FOXN3: variants seen among roughly 807,000 people sequenced by gnomAD.
FOXN3 encodes the protein forkhead box N3, also known as forkhead box protein N3.
In FOXN3, 7 loss-of-function variants were observed where a neutral mutation model predicts 38.4. The observed-to-expected ratio is 0.18, with a 90% confidence interval of 0.10 to 0.34. The LOEUF (loss-of-function observed/expected upper bound fraction) is 0.34, where lower values mean the gene tolerates loss of function less well. Ranked by LOEUF, FOXN3 falls within the 10% of genes least tolerant of loss-of-function variation. FOXN3 has a pLI of 1.00. For synonymous variants in FOXN3, 230 were observed against 242.2 expected (o/e 0.95, Z 0.47); for missense variants, 456 against 613.4 (o/e 0.74, Z 2.71).
intron 2 of FOXN3, chr14:89,355,017 A>C (rs902106168): frequency 6.6e-6 from 1 of 151,884 alleles, no homozygotes; most frequent in Non-Finnish European, 1.5e-5. Context: ...CCCCCAGAAA[A>C]AAAACTGAGA....
At chr14:89,308,178 T>A (rs1325782352) in intron 3 of FOXN3, among the ~76,000 whole-genome samples, 1 of 152,186 alleles carries the variant, frequency 6.6e-6, no homozygotes, top group Non-Finnish European at 1.5e-5. Context: ...GGCACGAGAA[T>A]CATTTGAACC....
chr14:89,373,084 C>G (rs943243938), intron 2 of FOXN3, among the ~76,000 whole-genome samples: 5 of 151,982 alleles, frequency 3.3e-5, no homozygotes, highest in African/African-American at 1.2e-4. Flanking sequence ...GATGATCACT[C>G]AAGCCCAAGA....
At chr14:89,307,131 AGT>A (rs896357583) in intron 3 of FOXN3, among the ~76,000 whole-genome samples, 10 of 152,300 alleles carry the variant, frequency 6.6e-5, no homozygotes, top group Non-Finnish European at 1.3e-4. Flanking sequence ...GGTTGCTCTG[AGT>A]GTGTGTGTTA....
intron 3 of FOXN3, among the ~76,000 whole-genome samples, chr14:89,304,602 T>C (rs970061117): frequency 2.0e-5 from 3 of 152,312 alleles, no homozygotes; most frequent in South Asian, 2.1e-4. Flanking sequence ...ATTCATTTGA[T>C]ACCTTATGTT....
chr14:89,334,313 T>C (rs1001466102), intron 3 of FOXN3, among the ~76,000 whole-genome samples: 1 of 151,106 alleles, frequency 6.6e-6, no homozygotes, highest in African/African-American at 2.4e-5. Flanking sequence ...CTTGCAGTTA[T>C]AAAATGAGTA....
intron 1 of FOXN3, among the ~76,000 whole-genome samples, chr14:89,483,235 C>T (rs1171186059): frequency 6.6e-6 from 1 of 152,064 alleles, no homozygotes; most frequent in Non-Finnish European, 1.5e-5. Flanking sequence ...GGTGTACATT[C>T]TCAACTCTCC....
intron 1 of FOXN3, among the ~76,000 whole-genome samples, chr14:89,521,325 G>A (rs562343543): frequency 2.6e-5 from 4 of 151,008 alleles, no homozygotes; most frequent in African/African-American, 9.8e-5. Flanking sequence ...ACAAAAGAGA[G>A]AGAGAGAATG....
chr14:89,441,673 C>T (rs1892386362), intron 1 of FOXN3, among the ~76,000 whole-genome samples: 1 of 152,122 alleles, frequency 6.6e-6, no homozygotes, highest in African/African-American at 2.4e-5. Flanking sequence ...AAGAAAGAGA[C>T]AGAAAGAGCT....
chr14:89,616,505 T>C lies in FOXN3; in HGVS notation c.-15+2523A>G, dbSNP rs558654510. On this transcript the variant is annotated intron_variant, in intron 1 of 6. Coordinates refer to the FOXN3 transcript ENST00000345097. ...CAAAGTACCAGGCAATCTTCATCCC[T>C]CCCTTTCACTCCCCAACCCCACCCC... 3.3e-5 allele frequency among the ~76,000 whole-genome samples: 5 copies of C among 151,346 alleles called. No homozygotes were observed. In the East Asian group the frequency reaches 9.8e-4, roughly 30 times the overall value.
At chr14:89,336,261 C>T (rs145856911) in intron 3 of FOXN3, among the ~76,000 whole-genome samples, 1,004 of 27,202 alleles carry the variant, frequency 0.037, 14 homozygotes, top group African/African-American at 0.083. Flanking sequence ...CATCCATCCA[C>T]ACAGAATCCT....
rs140313718 is a variant in FOXN3, at chr14:89,289,315, T to A, written c.681-8301A>T. Among the ~76,000 whole-genome samples the A allele has an allele frequency of 1.2e-4, 18 of 152,306 alleles. No homozygotes were observed. The East Asian group carries it at 3.5e-3, about 29-fold the overall frequency. On this transcript the variant is annotated intron_variant, in intron 3 of 5. Coordinates refer to ENST00000557258, the MANE Select transcript of FOXN3 (RefSeq NM_005197.4). Reference sequence around the variant, plus strand: ...TAGGAGAAGTAATACATCCATGGCTTTTCTCATGTTCATTTTTGCGACTGG... The same window carrying A: ...TAGGAGAAGTAATACATCCATGGCTATTCTCATGTTCATTTTTGCGACTGG...
chr14:89,421,047 G>A (rs559796977), upstream of FOXN3, among the ~76,000 whole-genome samples: 1 of 151,300 alleles, frequency 6.6e-6, no homozygotes, highest in Non-Finnish European at 1.5e-5. Context: ...AAAAATTGGG[G>A]AAAAAAGGCT....
chr14:89,599,432 C>T lies in FOXN3; in HGVS notation c.-15+19596G>A, dbSNP rs1428677232. On this transcript the variant is annotated intron_variant, in intron 1 of 6. Transcript: ENST00000345097. ...TCCATTTGGTCTTATTTACAATTTT[C>T]AGTTCTCTGGCAGAGTTTTCAATCT... 2.0e-5 allele frequency among the ~76,000 whole-genome samples: 3 copies of T among 152,156 alleles called. No homozygotes were observed. The East Asian group carries it at 5.8e-4, about 29-fold the overall frequency.
At chr14:89,307,359 T>C (rs1292958266) in intron 3 of FOXN3, among the ~76,000 whole-genome samples, 1 of 152,070 alleles carries the variant, frequency 6.6e-6, no homozygotes, top group East Asian at 1.9e-4. Context: ...AGACTGTCTA[T>C]GTAAATCTAC....
intron 1 of FOXN3, among the ~76,000 whole-genome samples, chr14:89,520,620 C>T (rs879431936): frequency 1.1e-4 from 16 of 152,194 alleles, no homozygotes; most frequent in Non-Finnish European, 2.1e-4. Flanking sequence ...ACCTGCTGCT[C>T]ATTGCAAGAA....
intron 2 of FOXN3, among the ~76,000 whole-genome samples, chr14:89,354,857 AAAATAAAT>A (rs574717535): frequency 1.3e-5 from 2 of 151,778 alleles, no homozygotes; most frequent in Admixed American, 6.6e-5. Flanking sequence ...TCCGTCTCAA[AAAATAAAT>A]AAATAAATAA....
intron 1 of FOXN3, among the ~76,000 whole-genome samples, chr14:89,443,950 A>C (rs964125703): frequency 7.0e-6 from 1 of 143,076 alleles, no homozygotes; most frequent in Non-Finnish European, 1.5e-5. Flanking sequence ...TGGAGGTTGC[A>C]GTGAGCCAAG....
rs1296666295 is a variant in FOXN3, at chr14:89,163,687, C to T, written c.852-718G>A. On this transcript the variant is annotated intron_variant, in intron 5 of 5. Coordinates refer to ENST00000557258, the MANE Select transcript of FOXN3 (RefSeq NM_005197.4). This position sits in a 1 kb window ranked among gnomAD's most constrained non-coding sequence, Gnocchi z 4.3. ...CTTCCCGAACTCAACACCTGCCAGG[C>T]GCTCTGCTAAGTCTGTGCAGAGGAC... is the stretch of plus-strand genomic sequence containing the variant. Among the ~76,000 whole-genome samples, 2 of 152,204 alleles carry T rather than the reference C, an allele frequency of 1.3e-5. No homozygotes were observed. Among genetic ancestry groups the T allele is most frequent in the Non-Finnish European group, 2.9e-5 (2 of 68,040 alleles).
At chr14:89,203,532 G>A (rs1485850144) in intron 4 of FOXN3, among the ~76,000 whole-genome samples, 1 of 152,226 alleles carries the variant, frequency 6.6e-6, no homozygotes, top group Admixed American at 6.5e-5. Flanking sequence ...CCTCTGGGAA[G>A]GAGGGCATGG....
Sources: gnomAD v4.1 joint callset for allele counts (sites outside exome capture counted in the v4.1 genomes callset) on GRCh38, gnomAD v4.1.1 for gene constraint, Gnocchi (gnomAD v3.1) non-coding constraint, MANE v1.5 for transcripts, NCBI Gene and HGNC (gene_info 2026-07-23, HGNC 2026-07-21) for gene names.